The following SNTG2 variants were observed in gnomAD, a reference collection of about 807,000 sequenced individuals.
SNTG2 encodes gamma-2-syntrophin.
A neutral mutation model predicts 70.9 loss-of-function variants in SNTG2; 74 were observed. That is an observed-to-expected ratio of 1.04 (90% CI 0.86 to 1.27). The LOEUF (loss-of-function observed/expected upper bound fraction) is 1.27. SNTG2 is among the 50% of genes most tolerant of loss of function. The pLI, the probability that SNTG2 is intolerant of heterozygous loss-of-function variation, is 0.00. For missense variants in SNTG2, 717 were observed against 690.7 expected (o/e 1.04, Z -0.43); for synonymous variants, 278 against 273.8 (o/e 1.02, Z -0.15).
At chr2:1,164,737 G>C (rs972634487) in intron 6 of SNTG2, among the ~76,000 whole-genome samples, 1 of 151,536 alleles carries the variant, frequency 6.6e-6, no homozygotes, top group Admixed American at 6.6e-5. Context: ...GGTGAGATGG[G>C]GATATACCTG....
intron 6 of SNTG2, among the ~76,000 whole-genome samples, chr2:1,142,126 C>T (rs888681905): frequency 2.0e-5 from 3 of 152,198 alleles, no homozygotes; most frequent in African/African-American, 7.2e-5. Flanking sequence ...GATTGAGAGC[C>T]CAGGCCTCTT....
At chr2:1,243,958 G>T (rs1296941656) in intron 11 of SNTG2, among the ~76,000 whole-genome samples, 1 of 152,112 alleles carries the variant, frequency 6.6e-6, no homozygotes, top group African/African-American at 2.4e-5. Context: ...CCCTGGAGGC[G>T]GAGGTTGCAG....
chr2:1,091,713 C>T (rs550047064), intron 2 of SNTG2, among the ~76,000 whole-genome samples: 1 of 152,314 alleles, frequency 6.6e-6, no homozygotes, highest in South Asian at 2.1e-4. Context: ...AGGTGGAATA[C>T]TATGGAATCA....
chr2:1,354,838 G>A (rs1368973851), intron 16 of SNTG2, among the ~76,000 whole-genome samples: 6 of 152,220 alleles, frequency 3.9e-5, no homozygotes, highest in Admixed American at 3.9e-4. Flanking sequence ...AGAATACTTT[G>A]GGACTTTACA....
intron 1 of SNTG2, among the ~76,000 whole-genome samples, chr2:952,333 G>C (rs1415653218): frequency 6.6e-6 from 1 of 152,172 alleles, no homozygotes; most frequent in Non-Finnish European, 1.5e-5. Flanking sequence ...CACGGTTAGG[G>C]ATTGTGCATT....
At chr2:1,003,409 A>G (rs970320036) in intron 1 of SNTG2, among the ~76,000 whole-genome samples, 14 of 152,326 alleles carry the variant, frequency 9.2e-5, no homozygotes, top group African/African-American at 2.9e-4. Context: ...CAGCTCAGGC[A>G]TCAGCGGTGT....
intron 14 of SNTG2, among the ~76,000 whole-genome samples, chr2:1,294,150 T>G (rs1680103364): frequency 6.6e-6 from 1 of 152,180 alleles, no homozygotes; most frequent in African/African-American, 2.4e-5. Flanking sequence ...GTGGCTCCTA[T>G]TTTTTGGAGG....
At chr2:1,140,049 C>T (rs576900407) in intron 6 of SNTG2, among the ~76,000 whole-genome samples, 1 of 152,252 alleles carries the variant, frequency 6.6e-6, no homozygotes, top group South Asian at 2.1e-4. Context: ...TGCTAAAATT[C>T]TAAAAGACGT....
chr2:1,138,191 G>A (rs1287712066), intron 6 of SNTG2, among the ~76,000 whole-genome samples: 1 of 152,210 alleles, frequency 6.6e-6, no homozygotes, highest in Non-Finnish European at 1.5e-5. Context: ...CCCGGGCGCT[G>A]GAGCCTGCAG....
At chr2:1,080,510 GTGTC>G (rs973406837) in intron 1 of SNTG2, among the ~76,000 whole-genome samples, 5 of 152,200 alleles carry the variant, frequency 3.3e-5, no homozygotes, top group African/African-American at 9.6e-5. Flanking sequence ...GCATTTGTGT[GTGTC>G]TGTGTGCCCG....
At chr2:1,092,099 C>T (rs1009106627) in intron 2 of SNTG2, among the ~76,000 whole-genome samples, 5 of 152,206 alleles carry the variant, frequency 3.3e-5, no homozygotes, top group South Asian at 2.1e-4. Flanking sequence ...AGCCCCAGGG[C>T]GAAGTCTGTT....
chr2:1,196,122 A>G (rs531314592), intron 8 of SNTG2, among the ~76,000 whole-genome samples: 1 of 152,178 alleles, frequency 6.6e-6, no homozygotes, highest in South Asian at 2.1e-4. Context: ...AGAATACTCA[A>G]TATCAAATAC....
chr2:1,086,997 T>C (rs1366492737), intron 2 of SNTG2, among the ~76,000 whole-genome samples: 11 of 151,870 alleles, frequency 7.2e-5, no homozygotes, highest in Admixed American at 7.2e-4. Flanking sequence ...CTGGGAAACA[T>C]GGAGGGAAAT....
At chr2:1,216,766 A>T (rs1408300631) in intron 9 of SNTG2, among the ~76,000 whole-genome samples, 1 of 152,190 alleles carries the variant, frequency 6.6e-6, no homozygotes, top group Non-Finnish European at 1.5e-5. Flanking sequence ...CCCAAATATC[A>T]TCTTGAATTG....
chr2:1,265,562 TC>T (rs1207386060), intron 13 of SNTG2, among the ~76,000 whole-genome samples: 2 of 152,268 alleles, frequency 1.3e-5, no homozygotes, highest in African/African-American at 4.8e-5. Flanking sequence ...AGCCAGGGCA[TC>T]CCCCCGGAGA....
intron 1 of SNTG2, among the ~76,000 whole-genome samples, chr2:1,018,503 G>C (rs1468375597): frequency 6.6e-6 from 1 of 152,124 alleles, no homozygotes; most frequent in Non-Finnish European, 1.5e-5. Context: ...GACTGGGTAG[G>C]TGGAGGCTGT....
intron 12 of SNTG2, among the ~76,000 whole-genome samples, chr2:1,255,853 A>AATATATATAAATATATATAAAT (rs1678042142): frequency 2.5e-5 from 1 of 39,568 alleles, no homozygotes; most frequent in Admixed American, 3.7e-4. Flanking sequence ...AATATATATA[A>AATATATATAAATATATATAAAT]ATATATATAA....
chr2:1,199,886 A>T (rs576141433), intron 8 of SNTG2, among the ~76,000 whole-genome samples: 55 of 152,204 alleles, frequency 3.6e-4, no homozygotes, highest in African/African-American at 1.3e-3. Flanking sequence ...TAATGGAAAG[A>T]CATCTCATAC....
At chr2:1,265,010 C>A (rs897182174) in intron 13 of SNTG2, among the ~76,000 whole-genome samples, 1 of 152,236 alleles carries the variant, frequency 6.6e-6, no homozygotes, top group Non-Finnish European at 1.5e-5. Flanking sequence ...ATGCATGAAT[C>A]TTCAACTGCG....
Sources: allele counts gnomAD v4.1 joint callset (sites outside exome capture counted in the v4.1 genomes callset), GRCh38; gene constraint gnomAD v4.1.1; transcripts MANE v1.5; gene names NCBI Gene and HGNC (gene_info 2026-07-23, HGNC 2026-07-21).